SIK3: variants seen among roughly 807,000 people sequenced by gnomAD.
SIK3 encodes the protein SIK family kinase 3.
In SIK3, 28 loss-of-function variants were observed where a neutral mutation model predicts 144.2. That is an observed-to-expected ratio of 0.19 (90% CI 0.14 to 0.27). SIK3 has a LOEUF of 0.27. SIK3 is among the 10% of genes least tolerant of loss of function. The pLI is 1.00. For missense variants in SIK3, 1,319 were observed against 1,776.0 expected (o/e 0.74, Z 4.62); for synonymous variants, 686 against 676.3 (o/e 1.01, Z -0.22).
At chr11:117,011,248 A>T (rs1180808722) in intron 1 of SIK3, among the ~76,000 whole-genome samples, 1 of 152,146 alleles carries the variant, frequency 6.6e-6, no homozygotes, top group Admixed American at 6.6e-5. Context: ...GAAGCTGCAA[A>T]CTTTCTGCAT....
At chr11:117,038,502 A>G (rs1591588981) in intron 1 of SIK3, among the ~76,000 whole-genome samples, 1 of 151,388 alleles carries the variant, frequency 6.6e-6, no homozygotes, top group African/African-American at 2.4e-5. Context: ...GATTACAGGC[A>G]CCCGCCACCA....
intron 1 of SIK3, among the ~76,000 whole-genome samples, chr11:117,066,151 C>A (rs1251769884): frequency 2.7e-5 from 4 of 150,818 alleles, no homozygotes; most frequent in African/African-American, 9.8e-5. Context: ...CTCACTGCAA[C>A]CTCCGCCTCC....
chr11:116,857,932 G>T lies in SIK3; in HGVS notation c.3533C>A (p.Thr1178Asn), dbSNP rs1297176954. Residue 1178 changes from threonine (T) to asparagine (N), a missense_variant, in exon 21 of 25, where the codon ACC becomes AAC. This residue lies in a region of SIK3 where 646 missense variants were observed against 763.7 expected (regional missense o/e 0.85). Coordinates refer to ENST00000445177, the MANE Select transcript of SIK3 (RefSeq NM_001366686.3). ...AGATTCAGGGTCCCCAGGTCCACCG[G>T]TACTCAAGAGCAGAGGGCTGTCATG... ...GCHDSPLLLS[T>N]GGPGDPESLL... 1 of 1,614,098 alleles carries T rather than the reference G, an allele frequency of 6.2e-7. No individual in the cohort carries two copies. Among genetic ancestry groups the T allele is most frequent in the Non-Finnish European group, 8.5e-7 (1 of 1,180,050 alleles).
At chr11:116,980,113 C>G (rs764136021) in intron 1 of SIK3, among the ~76,000 whole-genome samples, 2 of 152,164 alleles carry the variant, frequency 1.3e-5, no homozygotes, top group Non-Finnish European at 2.9e-5. Flanking sequence ...TTACAAGGGG[C>G]TTATGTCCTT....
intron 1 of SIK3, among the ~76,000 whole-genome samples, chr11:117,074,679 T>C (rs1227392940): frequency 1.3e-5 from 2 of 152,044 alleles, no homozygotes; most frequent in African/African-American, 4.8e-5. Context: ...TCCCAGCACT[T>C]TGGGAGGCCC....
At chr11:116,998,304 T>A (rs1950737641) in intron 1 of SIK3, among the ~76,000 whole-genome samples, 1 of 151,974 alleles carries the variant, frequency 6.6e-6, no homozygotes, top group Admixed American at 6.6e-5. Context: ...ACCCCGTCTC[T>A]ACTAAAAATA....
rs180672958 is a variant in SIK3 at position 116,871,045 on chromosome 11, T to C, written c.1738-644A>G. 1.0e-3 allele frequency among the ~76,000 whole-genome samples: 157 copies of C among 152,350 alleles called. 2 individuals carry two copies. Among genetic ancestry groups the C allele is most frequent in the Admixed American group, 3.9e-3 (59 of 15,300 alleles). ...GGAAAGCATAGTGAATTACTGAAAT[T>C]ACATTTTGGTACATAAGATACAATT... On this transcript the variant is annotated intron_variant, in intron 13 of 24. Coordinates refer to ENST00000445177, the MANE Select transcript of SIK3 (RefSeq NM_001366686.3).
At chr11:117,055,760 C>T (rs183107936) in intron 1 of SIK3, among the ~76,000 whole-genome samples, 2 of 152,346 alleles carry the variant, frequency 1.3e-5, no homozygotes, top group African/African-American at 4.8e-5. Context: ...TTTAAGACAT[C>T]ATTAAGTCAT....
chr11:116,947,200 A>T (rs1445731691), intron 3 of SIK3, among the ~76,000 whole-genome samples: 2 of 126,334 alleles, frequency 1.6e-5, no homozygotes, highest in Admixed American at 8.2e-5. Context: ...TTATATACAA[A>T]TTATTATTTA....
At position 117,021,868 on chromosome 11, in the gene SIK3, G is replaced by C. The variant is rs182794343; in HGVS notation, c.274-64804C>G. 3.2e-5 allele frequency among the ~76,000 whole-genome samples: 4 copies of C among 123,390 alleles called. No homozygotes were observed. In the East Asian group the frequency reaches 1.1e-3, roughly 34 times the overall value. The allele number at this position is 123,390 out of a possible 152,430, so 80.9% of individuals were successfully genotyped here. ...ACACTTTGGGAGGCCGAGGCAGGAA[G>C]ATCATTTCAGCCAACGTGTTTGAGA... On this transcript the variant is annotated intron_variant, in intron 1 of 24. Transcript: ENST00000445177.
At chr11:116,862,359 G>A (rs1307652459) in intron 16 of SIK3, 32 bp from the exon 17 acceptor site, 1 of 1,613,562 alleles carries the variant, frequency 6.2e-7, no homozygotes, top group Non-Finnish European at 8.5e-7. Flanking sequence ...CAGATGGGAT[G>A]CAGCCAGACC....
chr11:117,088,658 G>A (rs1955119178), intron 1 of SIK3, among the ~76,000 whole-genome samples: 2 of 152,124 alleles, frequency 1.3e-5, no homozygotes, highest in Admixed American at 6.5e-5. Context: ...AGCAGTATAA[G>A]TTAGGTTAGG....
At chr11:116,938,299 GGAGAAGAGAA>G (rs1209916772) in intron 3 of SIK3, among the ~76,000 whole-genome samples, 1 of 38,958 alleles carries the variant, frequency 2.6e-5, no homozygotes, top group African/African-American at 8.9e-5. Context: ...GGAGAGGAGA[GGAGAAGAGAA>G]GGAGAGAAAA....
rs576866767 is a variant in SIK3, at chr11:117,019,228, C to T, written c.274-62164G>A. The stretch of plus-strand genomic sequence containing the variant: ...GGAGACAAGGTTTCACCGTGTTGCC[C>T]AGGCTGGTCTCGAACTCCTGAGCTC... On this transcript the variant is annotated intron_variant, in intron 1 of 24. Coordinates refer to ENST00000445177, the MANE Select transcript of SIK3 (RefSeq NM_001366686.3). 5.3e-5 allele frequency among the ~76,000 whole-genome samples: 8 copies of T among 152,020 alleles called. No individual in the cohort carries two copies. The South Asian group carries it at 1.5e-3, about 28-fold the overall frequency.
At chr11:116,958,856 T>C (rs1335157873) in intron 1 of SIK3, among the ~76,000 whole-genome samples, 1 of 152,180 alleles carries the variant, frequency 6.6e-6, no homozygotes, top group Non-Finnish European at 1.5e-5. Context: ...TGGTCTAGCA[T>C]CTGCTCCTGC....
intron 6 of SIK3, among the ~76,000 whole-genome samples, chr11:116,884,440 G>A (rs891729920): frequency 2.7e-5 from 4 of 148,124 alleles, no homozygotes; most frequent in Admixed American, 6.9e-5. Context: ...CTCGCCTCCC[G>A]GGTTCAAATG....
At chr11:116,860,586 C>G (rs75428021) in intron 19 of SIK3, among the ~76,000 whole-genome samples, 27 of 152,190 alleles carry the variant, frequency 1.8e-4, no homozygotes, top group African/African-American at 6.0e-4. Flanking sequence ...TTTGGTAGGG[C>G]TGGAGGTTTT....
chr11:116,868,207 C>T, intron 14 of SIK3, 118 bp from the exon 15 acceptor site: 2 of 1,299,934 alleles, frequency 1.5e-6, no homozygotes, highest in African/African-American at 1.5e-5. Flanking sequence ...CTCACGAAGG[C>T]TTGATGGCAA....
At chr11:116,857,244 CCTCT>C (rs560187803) in intron 21 of SIK3, 1 of 153,636 alleles carries the variant, frequency 6.5e-6, no homozygotes, top group East Asian at 1.9e-4. Context: ...TCTGAATGTG[CCTCT>C]CTCTCTCATG....
Sources: gnomAD v4.1 joint callset for allele counts (sites outside exome capture counted in the v4.1 genomes callset) on GRCh38, gnomAD v4.1.1 for gene constraint, gnomAD v4.1.1 regional missense constraint, MANE v1.5 for transcripts, NCBI Gene and HGNC (gene_info 2026-07-23, HGNC 2026-07-21) for gene names.